OSBPL9: variants seen among roughly 807,000 people sequenced by gnomAD.
OSBPL9 encodes oxysterol binding protein like 9, also known as oxysterol-binding protein-related protein 9.
A neutral mutation model predicts 106.6 loss-of-function variants in OSBPL9; 40 were observed. The observed-to-expected ratio is 0.38, with a 90% confidence interval of 0.29 to 0.49. The LOEUF (loss-of-function observed/expected upper bound fraction) is 0.49. OSBPL9 is among the 20% of genes least tolerant of loss of function. The pLI is 0.97. For missense variants in OSBPL9, 609 were observed against 887.2 expected (o/e 0.69, Z 3.98); for synonymous variants, 269 against 295.4 (o/e 0.91, Z 0.92).
chr1:51,737,445 A>G (rs1665936998), intron 4 of OSBPL9, among the ~76,000 whole-genome samples: 1 of 151,928 alleles, frequency 6.6e-6, no homozygotes, highest in African/African-American at 2.4e-5. Context: ...TAAAATAAAA[A>G]CTCAGAGTCA....
intron 2 of OSBPL9, among the ~76,000 whole-genome samples, chr1:51,656,832 AT>A (rs561699669): frequency 1.4e-3 from 202 of 145,016 alleles, no homozygotes; most frequent in Admixed American, 2.4e-3. Flanking sequence ...GCTAATTAAA[AT>A]TTTTTTTTTT....
chr1:51,591,777 G>A (rs559187552), intron 1 of OSBPL9, among the ~76,000 whole-genome samples: 1 of 146,412 alleles, frequency 6.8e-6, no homozygotes, highest in African/African-American at 2.7e-5. Context: ...GGGCAACAGA[G>A]CAAGACTGAA....
chr1:51,643,689 C>T (rs988500247), intron 1 of OSBPL9, among the ~76,000 whole-genome samples: 4 of 151,782 alleles, frequency 2.6e-5, no homozygotes, highest in African/African-American at 4.8e-5. Context: ...GTTTTTTAAT[C>T]GAAGAAGTAA....
the OSBPL9 span, among the ~76,000 whole-genome samples, chr1:51,523,278 A>T: frequency 6.6e-6 from 1 of 151,672 alleles, no homozygotes; most frequent in East Asian, 1.9e-4. Context: ...TTATTTATTT[A>T]TTTATTTTAT....
intron 2 of OSBPL9, among the ~76,000 whole-genome samples, chr1:51,654,912 G>A (rs1646726609): frequency 6.6e-6 from 1 of 152,108 alleles, no homozygotes; most frequent in African/African-American, 2.4e-5. Flanking sequence ...CAGGGGTTGG[G>A]AGTACGGGAG....
intron 2 of OSBPL9, among the ~76,000 whole-genome samples, chr1:51,661,784 T>C (rs1008504227): frequency 6.6e-6 from 1 of 152,100 alleles, no homozygotes; most frequent in Admixed American, 6.6e-5. Flanking sequence ...ATCAAAAAAA[T>C]ACTCTAAACC....
intron 4 of OSBPL9, among the ~76,000 whole-genome samples, chr1:51,728,374 T>C (rs1663512155): frequency 6.6e-6 from 1 of 152,160 alleles, no homozygotes; most frequent in Non-Finnish European, 1.5e-5. Flanking sequence ...GGACCTGTTA[T>C]AGGGTGGTGG....
intron 3 of OSBPL9, among the ~76,000 whole-genome samples, chr1:51,682,539 C>G (rs937273661): frequency 1.3e-5 from 2 of 152,078 alleles, no homozygotes; most frequent in African/African-American, 4.8e-5. Flanking sequence ...GCAGGCAGAT[C>G]ACGAGGTCAG....
chr1:51,519,058 T>A, the OSBPL9 span: 1 of 470,774 alleles, frequency 2.1e-6, no homozygotes, highest in Non-Finnish European at 3.5e-6. Context: ...GCACCCGCTT[T>A]CCCTCACACA....
chr1:51,597,718 A>T (rs1290661917), intron 1 of OSBPL9, among the ~76,000 whole-genome samples: 1 of 152,242 alleles, frequency 6.6e-6, no homozygotes, highest in East Asian at 1.9e-4. Flanking sequence ...AAATGGAAGC[A>T]GCAAGGAAAA....
chr1:51,592,887 TG>T (rs1048755318), intron 1 of OSBPL9, among the ~76,000 whole-genome samples: 11 of 152,180 alleles, frequency 7.2e-5, no homozygotes, highest in African/African-American at 2.7e-4. Context: ...TGCCTTCTAC[TG>T]GGAGGGATTA....
At chr1:51,604,285 G>A (rs1212958040) in intron 2 of OSBPL9, among the ~76,000 whole-genome samples, 1 of 152,180 alleles carries the variant, frequency 6.6e-6, no homozygotes, top group Non-Finnish European at 1.5e-5. Context: ...GCTGGGTGCG[G>A]TGGCTCACGC....
chr1:51,529,646 A>G, the OSBPL9 span, among the ~76,000 whole-genome samples: 1 of 151,940 alleles, frequency 6.6e-6, no homozygotes, highest in Non-Finnish European at 1.5e-5. Flanking sequence ...ATTAATAGTC[A>G]ATTGATTTTC....
At chr1:51,757,018 A>C (rs1382468465) in intron 9 of OSBPL9, 2 of 152,132 alleles carry the variant, frequency 1.3e-5, no homozygotes, top group South Asian at 2.1e-4. Flanking sequence ...TGCTTACCCT[A>C]GTTTTATGGT....
intron 1 of OSBPL9, among the ~76,000 whole-genome samples, chr1:51,589,964 C>T (rs1047334833): frequency 2.1e-5 from 3 of 139,984 alleles, no homozygotes; most frequent in Non-Finnish European, 4.5e-5. Flanking sequence ...ACCTGGGAGG[C>T]GGAGGTTGCA....
intron 1 of OSBPL9, among the ~76,000 whole-genome samples, chr1:51,589,332 GC>G (rs1440581249): frequency 2.0e-5 from 3 of 152,128 alleles, no homozygotes; most frequent in Non-Finnish European, 2.9e-5. Flanking sequence ...CAGGCGATCT[GC>G]CTGCCTCAGT....
At position 51,760,713 on chromosome 1, in the gene OSBPL9, A is replaced by C; in HGVS notation, c.606A>C (p.Ala202=). The change falls in exon 10 of 24, where the codon GCA becomes GCC. Residue 202 remains alanine (A), a synonymous_variant. Transcript: ENST00000428468. Reference sequence around the variant, plus strand: ...AGAGTACTATTAATCCCGTAGATGCAATATATCAACCTAGTCCTTTGGAAC... The same window carrying C: ...AGAGTACTATTAATCCCGTAGATGCCATATATCAACCTAGTCCTTTGGAAC... ...GMISTINPVD[A]IYQPSPLEPV... is the part of the protein sequence containing the mutation. The C allele has an allele frequency of 6.2e-7, 1 of 1,613,860 alleles. No individual in the cohort carries two copies. The highest frequency in any genetic ancestry group is 8.5e-7 in the Non-Finnish European group (1 of 1,179,834).
chr1:51,699,460 C>A (rs1656780827), intron 3 of OSBPL9, among the ~76,000 whole-genome samples: 1 of 152,046 alleles, frequency 6.6e-6, no homozygotes, highest in African/African-American at 2.4e-5. Flanking sequence ...ATTTCCTTGC[C>A]TCAGAAGCTT....
intron 1 of OSBPL9, among the ~76,000 whole-genome samples, chr1:51,646,683 G>A (rs1306078477): frequency 3.3e-5 from 5 of 151,908 alleles, no homozygotes; most frequent in African/African-American, 4.8e-5. Flanking sequence ...GACTACAGGC[G>A]CCCACCACTC....
Sources: gnomAD v4.1 joint callset for allele counts (sites outside exome capture counted in the v4.1 genomes callset) on GRCh38, gnomAD v4.1.1 for gene constraint, MANE v1.5 for transcripts, NCBI Gene and HGNC (gene_info 2026-07-23, HGNC 2026-07-21) for gene names.